The following FUT9 variants were observed in gnomAD, a reference collection of about 807,000 sequenced individuals.
FUT9 encodes fucosyltransferase 9, also known as 4-galactosyl-N-acetylglucosaminide 3-alpha-L-fucosyltransferase 9.
FUT9 carries 15 observed loss-of-function variants against 29.7 expected under a neutral mutation model. The ratio of observed to expected loss-of-function variants is 0.51; its 90% CI spans 0.34 to 0.78. FUT9 has a LOEUF of 0.78. Ranked by LOEUF, FUT9 falls within the 30% of genes least tolerant of loss-of-function variation. The pLI, the probability that FUT9 is intolerant of heterozygous loss-of-function variation, is 0.01. For synonymous variants in FUT9, 169 were observed against 153.7 expected (o/e 1.10, Z -0.74); for missense variants, 319 against 425.4 (o/e 0.75, Z 2.20).
At chr6:96,117,038 A>C (rs1771924847) in intron 2 of FUT9, among the ~76,000 whole-genome samples, 1 of 152,216 alleles carries the variant, frequency 6.6e-6, no homozygotes, top group African/African-American at 2.4e-5. Context: ...TTACAAATGT[A>C]ATATATAAAC....
At chr6:96,111,314 G>A (rs961315000) in intron 1 of FUT9, among the ~76,000 whole-genome samples, 1 of 151,982 alleles carries the variant, frequency 6.6e-6, no homozygotes, top group Non-Finnish European at 1.5e-5. Flanking sequence ...ATGTAGAAAA[G>A]CAAAAGAGAA....
chr6:96,158,750 C>G (rs1188307457), intron 2 of FUT9, among the ~76,000 whole-genome samples: 1 of 152,064 alleles, frequency 6.6e-6, no homozygotes, highest in Non-Finnish European at 1.5e-5. Context: ...CCATGACTTT[C>G]TTCTATAAAA....
At chr6:96,186,868 G>A (rs948581081) in intron 2 of FUT9, among the ~76,000 whole-genome samples, 1 of 152,108 alleles carries the variant, frequency 6.6e-6, no homozygotes, top group African/African-American at 2.4e-5. Context: ...GTTGAATGAT[G>A]TCTACCCACA....
rs1773800144 is a variant in FUT9, at chr6:96,204,959, T to G, written c.*724T>G. 6.2e-6 allele frequency: 1 copy of G among 162,458 alleles called. No homozygotes were observed. Among genetic ancestry groups the G allele is most frequent in the Non-Finnish European group, 1.5e-5 (1 of 68,038 alleles). 10.1% of individuals were successfully genotyped at this position (162,458 alleles called of 1,614,324 possible). On this transcript the variant is annotated 3_prime_UTR_variant, in exon 3 of 3. Coordinates refer to ENST00000302103, the MANE Select transcript of FUT9 (RefSeq NM_006581.4). The stretch of plus-strand genomic sequence containing the variant: ...GTTGTGATTTTCAGCACCTGGGAAG[T>G]AATCCCAATAATACTTTAGAAAATC...
At chr6:96,134,237 G>A (rs1220114843) in intron 2 of FUT9, among the ~76,000 whole-genome samples, 1 of 151,754 alleles carries the variant, frequency 6.6e-6, no homozygotes, top group Non-Finnish European at 1.5e-5. Context: ...AAATGCATTT[G>A]CTGTGCACAT....
In FUT9 at chr6:96,211,736, C is replaced by G. The variant is rs1582314533; in HGVS notation, c.*7501C>G. The G allele has an allele frequency of 1.7e-5, 3 of 180,160 alleles. No homozygotes were observed. In the Admixed American group the frequency reaches 1.9e-4, roughly 12 times the overall value. The allele number at this position is 180,160 out of a possible 1,614,324, so 11.2% of individuals were successfully genotyped here. ...CTATGTTAGAATAAAAAAGTAGGCT[C>G]AAGGAAAATTTCTATTTTTCTATAT... On this transcript the variant is annotated 3_prime_UTR_variant, in exon 3 of 3. Transcript: ENST00000302103.
At chr6:96,120,571 C>G (rs1353998293) in intron 2 of FUT9, among the ~76,000 whole-genome samples, 1 of 142,924 alleles carries the variant, frequency 7.0e-6, no homozygotes, top group African/African-American at 2.6e-5. Flanking sequence ...GCGTGAACCA[C>G]CGTGCCTGGG....
At chr6:96,147,082 G>A (rs1386639577) in intron 2 of FUT9, among the ~76,000 whole-genome samples, 1 of 151,796 alleles carries the variant, frequency 6.6e-6, no homozygotes, top group African/African-American at 2.4e-5. Context: ...ACAGGATAAA[G>A]CAACTCTCCC....
intron 1 of FUT9, among the ~76,000 whole-genome samples, chr6:96,094,341 A>G (rs956593183): frequency 9.2e-5 from 14 of 152,226 alleles, no homozygotes; most frequent in African/African-American, 3.4e-4. Context: ...GCTTATGTTC[A>G]AGTAACCTTT....
intron 1 of FUT9, among the ~76,000 whole-genome samples, chr6:96,030,576 AT>A (rs924030119): frequency 1.3e-5 from 2 of 151,478 alleles, no homozygotes; most frequent in African/African-American, 4.8e-5. Flanking sequence ...ATAGTTCCTT[AT>A]AAAGTTAAAA....
At chr6:96,069,232 T>C (rs1771011938) in intron 1 of FUT9, among the ~76,000 whole-genome samples, 1 of 151,974 alleles carries the variant, frequency 6.6e-6, no homozygotes, top group Admixed American at 6.6e-5. Context: ...GGAGCATTGC[T>C]TGAACCGGGA....
At chr6:96,146,199 C>T (rs1772564437) in intron 2 of FUT9, among the ~76,000 whole-genome samples, 1 of 152,122 alleles carries the variant, frequency 6.6e-6, no homozygotes, top group South Asian at 2.1e-4. Flanking sequence ...GAGACATGAT[C>T]TACCTTATTT....
intron 1 of FUT9, among the ~76,000 whole-genome samples, chr6:96,078,408 CTTTTTTTT>C (rs71012536): frequency 5.7e-4 from 25 of 44,174 alleles, no homozygotes; most frequent in African/African-American, 1.9e-3. Context: ...TATTAGTCTT[CTTTTTTTT>C]TTTTTTTTTT....
At chr6:96,078,400 T>C (rs1771174786) in intron 1 of FUT9, among the ~76,000 whole-genome samples, 1 of 140,346 alleles carries the variant, frequency 7.1e-6, no homozygotes, top group Non-Finnish European at 1.5e-5. Flanking sequence ...TTCTTTCATA[T>C]TAGTCTTCTT....
At position 96,207,883 on chromosome 6, in the gene FUT9, C is replaced by T. The variant is rs1333650681; in HGVS notation, c.*3648C>T. The T allele has an allele frequency of 6.0e-6, 1 of 166,282 alleles. No homozygotes were observed. Among genetic ancestry groups the T allele is most frequent in the East Asian group, 1.9e-4 (1 of 5,170 alleles). The allele number at this position is 166,282 out of a possible 1,614,324, so 10.3% of individuals were successfully genotyped here. A position where few individuals can be genotyped will look rare whatever the true frequency, so the allele number is the denominator to read the frequency against. On this transcript the variant is annotated 3_prime_UTR_variant, in exon 3 of 3. Coordinates refer to ENST00000302103, the MANE Select transcript of FUT9 (RefSeq NM_006581.4). ...GAATATATACTGAATTGTCCACATCCAGAGTATTACACCCTGAACAAGAAA... is the reference window on the plus strand; with the variant it reads ...GAATATATACTGAATTGTCCACATCTAGAGTATTACACCCTGAACAAGAAA...
chr6:96,082,828 A>G (rs1376711544), intron 1 of FUT9, among the ~76,000 whole-genome samples: 1 of 151,936 alleles, frequency 6.6e-6, no homozygotes, highest in East Asian at 1.9e-4. Context: ...AATGTCTTTT[A>G]GTAAATTGTT....
In FUT9 at chr6:96,203,310, ACTT is replaced by A; in HGVS notation, c.159_161del (p.Phe54del). 6.2e-7 allele frequency: 1 copy of A among 1,613,806 alleles called. No homozygotes were observed. Among genetic ancestry groups the A allele is most frequent in the Non-Finnish European group, 8.5e-7 (1 of 1,179,878 alleles). ...GCCAGCTCTGTGCTGAAAATGAAAA[ACTT>A]CTTTTCCACCAAAACTGATTATTTT... On this transcript the variant is annotated inframe_deletion, in exon 3 of 3. Coordinates refer to ENST00000302103, the MANE Select transcript of FUT9 (RefSeq NM_006581.4).
intron 1 of FUT9, among the ~76,000 whole-genome samples, chr6:96,081,213 A>C (rs2127950841): frequency 6.6e-6 from 1 of 151,884 alleles, no homozygotes; most frequent in Admixed American, 6.5e-5. Context: ...CAATATCAAT[A>C]ATTTTGAGGC....
intron 2 of FUT9, among the ~76,000 whole-genome samples, chr6:96,171,339 T>C (rs1207269311): frequency 1.3e-5 from 2 of 152,188 alleles, no homozygotes; most frequent in Non-Finnish European, 1.5e-5. Context: ...AGCTCAATAA[T>C]GTTCTTCACT....
Sources: allele counts gnomAD v4.1 joint callset (sites outside exome capture counted in the v4.1 genomes callset), GRCh38; gene constraint gnomAD v4.1.1; transcripts MANE v1.5; gene names NCBI Gene and HGNC (gene_info 2026-07-23, HGNC 2026-07-21).